The following SLIT1 variants were observed in gnomAD, a reference collection of about 807,000 sequenced individuals.
SLIT1 encodes slit guidance ligand 1.
SLIT1 carries 66 observed loss-of-function variants against 186.1 expected under a neutral mutation model. That is an observed-to-expected ratio of 0.35 (90% CI 0.29 to 0.44). The LOEUF is 0.44. Ranked by LOEUF, SLIT1 falls within the 20% of genes least tolerant of loss-of-function variation. The probability of loss-of-function intolerance (pLI) is 1.00; values close to 1 mark genes in which losing one functional copy is unlikely to be tolerated. For missense variants in SLIT1, 1,638 were observed against 2,037.4 expected (o/e 0.80, Z 3.77); for synonymous variants, 761 against 833.8 (o/e 0.91, Z 1.50).
At chr10:97,103,661 T>C (rs1849383746) in intron 4 of SLIT1, 1 of 152,172 alleles carries the variant, frequency 6.6e-6, no homozygotes, top group African/African-American at 2.4e-5. Flanking sequence ...ACGCCCTCAA[T>C]TAATGAACCC....
intron 4 of SLIT1, among the ~76,000 whole-genome samples, chr10:97,108,061 A>G (rs761467343): frequency 2.0e-5 from 3 of 152,198 alleles, no homozygotes; most frequent in Non-Finnish European, 4.4e-5. Flanking sequence ...CCCAGCGTTC[A>G]CTGCCTGAGC....
intron 9 of SLIT1, 114 bp downstream of exon 9, chr10:97,060,526 A>G: frequency 7.7e-7 from 1 of 1,295,250 alleles, no homozygotes; most frequent in Non-Finnish European, 1.1e-6. Context: ...CTCTACGGCC[A>G]CTGAGGGGTT....
chr10:97,030,552 GCGAGGAA>G (rs1400645477), intron 25 of SLIT1, among the ~76,000 whole-genome samples, 198 bp downstream of exon 25: 2 of 152,230 alleles, frequency 1.3e-5, no homozygotes, highest in African/African-American at 4.8e-5. Context: ...ACTACCGCTT[GCGAGGAA>G]CTGTTCTTCT....
In SLIT1 at chr10:97,047,760, T is replaced by A; in HGVS notation, c.1564A>T (p.Asn522Tyr). Reference sequence around the variant, plus strand: ...TTCAGGCTGGAGCACTCCACCACGTTGGCCTCACAGCGGCACTTGTGGGGA... The same window carrying A: ...TTCAGGCTGGAGCACTCCACCACGTAGGCCTCACAGCGGCACTTGTGGGGA... ...VCPHKCRCEA[N>Y]VVECSSLKLT... is the part of the protein sequence containing the mutation. The change falls in exon 16 of 37, where the codon AAC becomes TAC. Residue 522 changes from asparagine to tyrosine, a missense_variant. Transcript: ENST00000266058. 1.9e-6 allele frequency: 3 copies of A among 1,614,078 alleles called. No individual in the cohort carries two copies. Among genetic ancestry groups the A allele is most frequent in the Non-Finnish European group, 2.5e-6 (3 of 1,180,026 alleles).
intron 25 of SLIT1, 71 bp downstream of exon 25, chr10:97,030,686 G>A: frequency 8.1e-7 from 1 of 1,236,214 alleles, no homozygotes; most frequent in Non-Finnish European, 1.2e-6. Context: ...ATCTCAGGAG[G>A]TGGGATCTTC....
chr10:97,032,950 AC>A (rs1465091453), intron 23 of SLIT1, among the ~76,000 whole-genome samples: 2 of 152,170 alleles, frequency 1.3e-5, no homozygotes, highest in Non-Finnish European at 2.9e-5. Context: ...ATGCAAACTA[AC>A]CTACAGTGAC....
Position 97,086,400 on chromosome 10 carries a change from T to A in SLIT1, c.414-20314A>T, listed in dbSNP as rs1849159802. On this transcript the variant is annotated intron_variant, in intron 4 of 36. Coordinates refer to ENST00000266058, the MANE Select transcript of SLIT1 (RefSeq NM_003061.3). ...GCCTGGCCAAAATGGTGAAACTCTG[T>A]CTCTACTAAAAAAAAAAAAATACAA... Among the ~76,000 whole-genome samples the A allele has an allele frequency of 2.0e-5, 3 of 151,090 alleles. No individual in the cohort carries two copies. The East Asian group carries it at 5.8e-4, about 29-fold the overall frequency.
chr10:97,018,808 A>G, intron 27 of SLIT1, 125 bp from the exon 28 acceptor site: 3 of 673,024 alleles, frequency 4.5e-6, no homozygotes, highest in Non-Finnish European at 7.8e-6. Context: ...TCATTCATTC[A>G]TTCGTCCACT....
At chr10:97,001,508 C>T (rs1848309426) in intron 36 of SLIT1, among the ~76,000 whole-genome samples, 158 bp from the exon 37 acceptor site, 1 of 152,174 alleles carries the variant, frequency 6.6e-6, no homozygotes, top group African/African-American at 2.4e-5. Flanking sequence ...ACTTCCGCCT[C>T]CCACTGACAT....
At chr10:97,141,706 T>TATC (rs1564686457) in intron 4 of SLIT1, among the ~76,000 whole-genome samples, 8 of 75,126 alleles carry the variant, frequency 1.1e-4, no homozygotes, top group African/African-American at 5.3e-4. Context: ...CGTATCGTAT[T>TATC]GTATTGTACT....
rs1167702608 is a variant in SLIT1 at position 97,068,983 on chromosome 10, ATCC to A, written c.414-2900_414-2898del. 6.6e-6 allele frequency among the ~76,000 whole-genome samples: 1 copy of A among 152,106 alleles called. No homozygotes were observed. Among genetic ancestry groups the A allele is most frequent in the East Asian group, 1.9e-4 (1 of 5,188 alleles). ...GCCTAGAGAGTTCCTTGGCTGCCAC[ATCC>A]TCTTCTTAGTGTCTCTGCTTCATAT... On this transcript the variant is annotated intron_variant, in intron 4 of 36. Coordinates refer to ENST00000266058, the MANE Select transcript of SLIT1 (RefSeq NM_003061.3). This position sits in a 1 kb window ranked among gnomAD's most constrained non-coding sequence, Gnocchi z 4.2.
chr10:97,143,725 C>T (rs1589409690), intron 4 of SLIT1, among the ~76,000 whole-genome samples: 1 of 152,254 alleles, frequency 6.6e-6, no homozygotes, highest in East Asian at 1.9e-4. Context: ...GCAGATACAT[C>T]AGGGAATGCT....
At chr10:97,144,793 A>G (rs981458738) in intron 4 of SLIT1, among the ~76,000 whole-genome samples, 1 of 152,246 alleles carries the variant, frequency 6.6e-6, no homozygotes, top group African/African-American at 2.4e-5. Context: ...GCGGCAGGAC[A>G]GGACATGTCC....
chr10:97,069,600 C>T (rs1254829310), intron 4 of SLIT1, among the ~76,000 whole-genome samples: 4 of 152,080 alleles, frequency 2.6e-5, no homozygotes, highest in Non-Finnish European at 5.9e-5. Context: ...TGATCTCTGA[C>T]CGGATCTTAA....
At chr10:97,070,780 A>T (rs1848995287) in intron 4 of SLIT1, among the ~76,000 whole-genome samples, 2 of 152,182 alleles carry the variant, frequency 1.3e-5, no homozygotes, top group African/African-American at 4.8e-5. Context: ...AACTGTGAGA[A>T]ATAAATTTCT....
At chr10:97,067,771 G>A (rs1342752402) in intron 4 of SLIT1, among the ~76,000 whole-genome samples, 4 of 152,140 alleles carry the variant, frequency 2.6e-5, no homozygotes, top group Admixed American at 6.5e-5. Context: ...GCGGCAGACC[G>A]TCCTGACATA....
chr10:97,062,707 G>A (rs536886889), intron 8 of SLIT1, among the ~76,000 whole-genome samples: 1 of 152,346 alleles, frequency 6.6e-6, no homozygotes, highest in Admixed American at 6.5e-5. Flanking sequence ...CACAGCTGGG[G>A]GAGCTGCAGG....
intron 7 of SLIT1, among the ~76,000 whole-genome samples, chr10:97,063,874 C>T (rs931711365): frequency 6.6e-6 from 1 of 152,192 alleles, no homozygotes; most frequent in African/African-American, 2.4e-5. Context: ...CCCAGGTCAT[C>T]GCAATGACCT....
At chr10:97,101,281 C>T (rs767291336) in intron 4 of SLIT1, 3 of 152,194 alleles carry the variant, frequency 2.0e-5, no homozygotes, top group Non-Finnish European at 2.9e-5. Flanking sequence ...GCGCTCCTCC[C>T]CAGACAACCC....
Sources: gnomAD v4.1 joint callset for allele counts (sites outside exome capture counted in the v4.1 genomes callset) on GRCh38, gnomAD v4.1.1 for gene constraint, Gnocchi (gnomAD v3.1) non-coding constraint, MANE v1.5 for transcripts, NCBI Gene and HGNC (gene_info 2026-07-23, HGNC 2026-07-21) for gene names.